The following RPS6KA2 variants were observed in gnomAD, a reference collection of about 807,000 sequenced individuals.
The protein encoded by RPS6KA2 is ribosomal protein S6 kinase alpha-2.
A neutral mutation model predicts 91.8 loss-of-function variants in RPS6KA2; 42 were observed. The ratio of observed to expected loss-of-function variants is 0.46; its 90% CI spans 0.36 to 0.59. RPS6KA2 has a LOEUF of 0.59. Ranked by LOEUF, RPS6KA2 falls within the 20% of genes least tolerant of loss-of-function variation. The pLI, the probability that RPS6KA2 is intolerant of heterozygous loss-of-function variation, is 0.00. For missense variants in RPS6KA2, 798 were observed against 978.5 expected (o/e 0.82, Z 2.46); for synonymous variants, 414 against 393.6 (o/e 1.05, Z -0.61).
At chr6:166,503,883 C>T (rs1304831432) in intron 6 of RPS6KA2, among the ~76,000 whole-genome samples, 1 of 152,182 alleles carries the variant, frequency 6.6e-6, no homozygotes, top group African/African-American at 2.4e-5. Flanking sequence ...GTCACCACTG[C>T]CAAGGATATA....
At chr6:166,748,664 G>T (rs1232569913) in intron 2 of RPS6KA2, among the ~76,000 whole-genome samples, 1 of 75,516 alleles carries the variant, frequency 1.3e-5, no homozygotes, top group South Asian at 5.3e-4. Context: ...ACCTCCTCAG[G>T]CCCCCATCTC....
At chr6:166,444,540 A>T (rs1779617714) in intron 14 of RPS6KA2, among the ~76,000 whole-genome samples, 1 of 152,266 alleles carries the variant, frequency 6.6e-6, no homozygotes, top group African/African-American at 2.4e-5. Flanking sequence ...CTGAGGGAAC[A>T]TAATAGCTTT....
intron 2 of RPS6KA2, among the ~76,000 whole-genome samples, chr6:166,641,740 A>C (rs1787443302): frequency 4.7e-5 from 6 of 127,658 alleles, no homozygotes; most frequent in African/African-American, 2.2e-4. Flanking sequence ...AAAAAAAAAA[A>C]AAAAAAAAAA....
intron 3 of RPS6KA2, among the ~76,000 whole-genome samples, chr6:166,517,176 AAAAAC>A (rs1227628267): frequency 3.9e-5 from 6 of 152,206 alleles, no homozygotes; most frequent in African/African-American, 1.4e-4. Context: ...GAATTACTTA[AAAAAC>A]AAAACAAAAC....
intron 1 of RPS6KA2, among the ~76,000 whole-genome samples, chr6:166,590,611 C>T (rs955995698): frequency 2.0e-5 from 3 of 152,182 alleles, no homozygotes; most frequent in Admixed American, 6.5e-5. Context: ...TGCTGCTGCT[C>T]TTGCCCCACA....
chr6:166,546,512 T>G (rs1783833709), intron 1 of RPS6KA2, among the ~76,000 whole-genome samples: 1 of 151,240 alleles, frequency 6.6e-6, no homozygotes, highest in Admixed American at 6.6e-5. Context: ...CTGAGATATA[T>G]AGTATGAAAC....
chr6:166,717,807 G>A (rs965542671), intron 2 of RPS6KA2, among the ~76,000 whole-genome samples: 4 of 151,892 alleles, frequency 2.6e-5, no homozygotes, highest in East Asian at 1.9e-4. Context: ...ATTTTTCGCC[G>A]ATGATTGTTT....
chr6:166,563,617 A>C lies in RPS6KA2; in HGVS notation c.100-24833T>G, dbSNP rs1033992530. ...CAGGGTAGCCCCCAACTCCAGCCAG[A>C]GGGAGCCAAGACCTCCCACCCCAGG... is the stretch of plus-strand genomic sequence containing the variant. On this transcript the variant is annotated intron_variant, in intron 1 of 20. Transcript: ENST00000265678. The surrounding 1 kb of genome is among the most constrained non-coding windows in gnomAD (Gnocchi z 4.1). Among the ~76,000 whole-genome samples the C allele has an allele frequency of 1.3e-5, 2 of 151,958 alleles. No homozygotes were observed. Among genetic ancestry groups the C allele is most frequent in the African/African-American group, 4.8e-5 (2 of 41,396 alleles).
chr6:166,823,137 G>A (rs1039420007), intron 2 of RPS6KA2, among the ~76,000 whole-genome samples: 1 of 152,192 alleles, frequency 6.6e-6, no homozygotes, highest in African/African-American at 2.4e-5. Flanking sequence ...ACATGAGACA[G>A]GGGACCATGT....
chr6:166,851,352 T>G (rs752368046), intron 2 of RPS6KA2, among the ~76,000 whole-genome samples: 5 of 151,968 alleles, frequency 3.3e-5, no homozygotes, highest in Admixed American at 3.3e-4. Flanking sequence ...GGAGCTTTCT[T>G]TGGGTCTTTT....
At chr6:166,646,845 C>T (rs893256022) in intron 2 of RPS6KA2, among the ~76,000 whole-genome samples, 1 of 152,246 alleles carries the variant, frequency 6.6e-6, no homozygotes, top group African/African-American at 2.4e-5. Flanking sequence ...CCTTTCCCCT[C>T]TCCAGCAAGT....
chr6:166,539,197 C>T (rs923137547), intron 1 of RPS6KA2, among the ~76,000 whole-genome samples: 11 of 152,196 alleles, frequency 7.2e-5, no homozygotes, highest in African/African-American at 1.2e-4. Context: ...GGGTTACAGG[C>T]GTGAGCCACC....
chr6:166,450,248 CAGGGACCACCAT>C (rs1358386387), intron 13 of RPS6KA2, among the ~76,000 whole-genome samples: 2 of 146,770 alleles, frequency 1.4e-5, no homozygotes, highest in Non-Finnish European at 3.0e-5. Context: ...GGAACCACCA[CAGGGACCACCAT>C]AGGAGACCAT....
chr6:166,430,396 T>C, intron 16 of RPS6KA2, 57 bp downstream of exon 16: 1 of 1,515,626 alleles, frequency 6.6e-7, no homozygotes, highest in Non-Finnish European at 9.0e-7. Flanking sequence ...CTTGTGGTTT[T>C]GGTTCCTGCC....
At chr6:166,819,500 T>G (rs1583152180) in intron 2 of RPS6KA2, among the ~76,000 whole-genome samples, 1 of 152,258 alleles carries the variant, frequency 6.6e-6, no homozygotes, top group South Asian at 2.1e-4. Flanking sequence ...TATAGGTGGG[T>G]TTTGCATCCC....
intron 2 of RPS6KA2, among the ~76,000 whole-genome samples, chr6:166,693,563 G>A (rs749269620): frequency 6.6e-6 from 1 of 152,122 alleles, no homozygotes; most frequent in Non-Finnish European, 1.5e-5. Context: ...TCTCTCGCCT[G>A]GTCTGTGGCC....
intron 1 of RPS6KA2, among the ~76,000 whole-genome samples, chr6:166,577,429 G>T (rs1387801693): frequency 6.6e-6 from 1 of 152,196 alleles, no homozygotes; most frequent in Non-Finnish European, 1.5e-5. Context: ...CAAAGCCACA[G>T]GGGTGGAGCT....
At chr6:166,466,898 C>CCTTA (rs149393454) in intron 11 of RPS6KA2, among the ~76,000 whole-genome samples, 11 of 150,184 alleles carry the variant, frequency 7.3e-5, no homozygotes, top group South Asian at 2.1e-4. Flanking sequence ...TCACTCACTC[C>CCTTA]CTCATTCACT....
intron 1 of RPS6KA2, among the ~76,000 whole-genome samples, chr6:166,614,969 G>A (rs978484874): frequency 6.6e-6 from 1 of 152,128 alleles, no homozygotes; most frequent in South Asian, 2.1e-4. Context: ...CCAGGCTTAG[G>A]CTGTGGCTTT....
Sources: gnomAD v4.1 joint callset for allele counts (sites outside exome capture counted in the v4.1 genomes callset) on GRCh38, gnomAD v4.1.1 for gene constraint, Gnocchi (gnomAD v3.1) non-coding constraint, MANE v1.5 for transcripts, NCBI Gene and HGNC (gene_info 2026-07-23, HGNC 2026-07-21) for gene names.